FSTL4: variants seen among roughly 807,000 people sequenced by gnomAD.
FSTL4 encodes the protein follistatin like 4, also known as follistatin-related protein 4.
FSTL4 carries 28 observed loss-of-function variants against 78.2 expected under a neutral mutation model. That is an observed-to-expected ratio of 0.36 (90% confidence interval 0.27 to 0.49). The LOEUF (loss-of-function observed/expected upper bound fraction) is 0.49, where lower values mean the gene tolerates loss of function less well. FSTL4 is among the 20% of genes least tolerant of loss of function. The pLI is 0.98. For synonymous variants in FSTL4, 422 were observed against 440.5 expected (o/e 0.96, Z 0.53); for missense variants, 922 against 1,084.9 (o/e 0.85, Z 2.11).
chr5:133,745,247 C>T, the FSTL4 span, among the ~76,000 whole-genome samples: 2 of 152,238 alleles, frequency 1.3e-5, no homozygotes, highest in African/African-American at 4.8e-5. Context: ...TTCTATGGAC[C>T]CAGCTTCCCT....
intron 4 of FSTL4, among the ~76,000 whole-genome samples, chr5:133,380,284 C>G (rs897603597): frequency 1.3e-5 from 2 of 150,780 alleles, no homozygotes; most frequent in Non-Finnish European, 3.0e-5. Flanking sequence ...ACAAAATTGA[C>G]AAAACCTTTA....
At chr5:133,379,826 CA>C (rs1430497673) in intron 4 of FSTL4, among the ~76,000 whole-genome samples, 1 of 152,146 alleles carries the variant, frequency 6.6e-6, no homozygotes, top group Non-Finnish European at 1.5e-5. Context: ...CCTGTAATCT[CA>C]GCATTTTGGG....
chr5:133,221,222 C>G (rs1042135949), intron 11 of FSTL4, among the ~76,000 whole-genome samples: 7 of 152,208 alleles, frequency 4.6e-5, no homozygotes, highest in Non-Finnish European at 5.9e-5. Context: ...ATACTAGTCA[C>G]ATCAGGATGG....
chr5:133,730,441 G>C, the FSTL4 span, among the ~76,000 whole-genome samples: 2 of 152,210 alleles, frequency 1.3e-5, no homozygotes, highest in Non-Finnish European at 2.9e-5. Context: ...GTGTGATCCT[G>C]TCAGCACATT....
chr5:133,831,216 A>G, the FSTL4 span, among the ~76,000 whole-genome samples: 1 of 152,150 alleles, frequency 6.6e-6, no homozygotes, highest in Non-Finnish European at 1.5e-5. Flanking sequence ...GACCCCATGG[A>G]AGGGTATGTC....
intron 3 of FSTL4, among the ~76,000 whole-genome samples, chr5:133,474,527 T>C (rs1757889356): frequency 6.6e-6 from 1 of 152,218 alleles, no homozygotes; most frequent in African/African-American, 2.4e-5. Flanking sequence ...GTAGCTGTCA[T>C]TAAAGGCATT....
chr5:133,237,328 C>T (rs980875026), intron 7 of FSTL4, among the ~76,000 whole-genome samples: 3 of 152,292 alleles, frequency 2.0e-5, no homozygotes, highest in South Asian at 2.1e-4. Context: ...GATTCCCACC[C>T]GCTACTGATG....
chr5:133,518,697 T>C (rs1031815694), intron 3 of FSTL4, among the ~76,000 whole-genome samples: 3 of 152,242 alleles, frequency 2.0e-5, no homozygotes, highest in African/African-American at 7.2e-5. Context: ...AGATGCTGAA[T>C]GCTTGTTTTT....
At chr5:133,618,225 T>C in the FSTL4 span, among the ~76,000 whole-genome samples, 1 of 152,192 alleles carries the variant, frequency 6.6e-6, no homozygotes, top group Non-Finnish European at 1.5e-5. Context: ...ATATGATATA[T>C]ATATCTTCCT....
intron 3 of FSTL4, among the ~76,000 whole-genome samples, chr5:133,436,574 A>G (rs977150520): frequency 6.6e-6 from 1 of 152,192 alleles, no homozygotes; most frequent in African/African-American, 2.4e-5. Context: ...TTTACAAGCA[A>G]TGATATGCTG....
At chr5:133,317,755 C>T (rs1053171911) in intron 4 of FSTL4, among the ~76,000 whole-genome samples, 3 of 152,224 alleles carry the variant, frequency 2.0e-5, no homozygotes, top group Non-Finnish European at 4.4e-5. Context: ...ATACCAGTGC[C>T]TCCCACAAGG....
chr5:133,819,673 T>C, the FSTL4 span, among the ~76,000 whole-genome samples: 9 of 152,240 alleles, frequency 5.9e-5, no homozygotes, highest in Non-Finnish European at 1.2e-4. Context: ...CCACGCATTG[T>C]TCCAGATGAG....
At chr5:133,327,627 G>C (rs1034353091) in intron 4 of FSTL4, among the ~76,000 whole-genome samples, 1 of 152,224 alleles carries the variant, frequency 6.6e-6, no homozygotes, top group African/African-American at 2.4e-5. Context: ...TCCCGGTAAG[G>C]CATGGATGTG....
Position 133,199,257 on chromosome 5 carries a change from C to G in FSTL4, c.2367G>C (p.Gly789=). The change falls in exon 16 of 16, where the codon GGG becomes GGC. Residue 789 remains glycine, a synonymous_variant. Coordinates refer to ENST00000265342, the MANE Select transcript of FSTL4 (RefSeq NM_015082.2). The surrounding 1 kb of genome is among the most constrained non-coding windows in gnomAD (Gnocchi z 4.4). ...TGTCCCTCATGATTCTGTGGGTACC[C>G]CCCCAGGGCTGAGCTGGCCCTGCGG... is the stretch of plus-strand genomic sequence containing the variant. ...EPPAGPAQPW[G]GTHRIMRDSG... 6.2e-7 allele frequency: 1 copy of G among 1,613,736 alleles called. No homozygotes were observed.
the FSTL4 span, among the ~76,000 whole-genome samples, chr5:133,750,006 AG>A: frequency 6.6e-6 from 1 of 152,176 alleles, no homozygotes; most frequent in African/African-American, 2.4e-5. Flanking sequence ...TCTTCTCTCC[AG>A]GGGGCTCCCA....
At chr5:133,343,758 C>A (rs1754638999) in intron 4 of FSTL4, among the ~76,000 whole-genome samples, 1 of 152,192 alleles carries the variant, frequency 6.6e-6, no homozygotes, top group African/African-American at 2.4e-5. Context: ...ATTCTGTGAG[C>A]AACACCACTT....
At chr5:133,328,002 G>A (rs2126904738) in intron 4 of FSTL4, among the ~76,000 whole-genome samples, 1 of 152,328 alleles carries the variant, frequency 6.6e-6, no homozygotes, top group South Asian at 2.1e-4. Context: ...TTTCCCTGGA[G>A]TGTCCATATT....
intron 2 of FSTL4, among the ~76,000 whole-genome samples, chr5:133,578,685 G>T (rs1389057675): frequency 6.6e-6 from 1 of 152,160 alleles, no homozygotes; most frequent in Non-Finnish European, 1.5e-5. Context: ...TATGCTAAAG[G>T]TTATTCATTT....
At chr5:133,743,497 T>C in the FSTL4 span, among the ~76,000 whole-genome samples, 2 of 152,210 alleles carry the variant, frequency 1.3e-5, no homozygotes, top group Non-Finnish European at 2.9e-5. Flanking sequence ...CACTTCTCTG[T>C]ACCTTGGTTT....
Sources: gnomAD v4.1 joint callset for allele counts (sites outside exome capture counted in the v4.1 genomes callset) on GRCh38, gnomAD v4.1.1 for gene constraint, Gnocchi (gnomAD v3.1) non-coding constraint, MANE v1.5 for transcripts, NCBI Gene and HGNC (gene_info 2026-07-23, HGNC 2026-07-21) for gene names.